Variants in IGSF21 observed in about 807,000 individuals in gnomAD.
IGSF21 encodes immunoglobulin superfamily member 21.
IGSF21 carries 28 observed loss-of-function variants against 46.8 expected under a neutral mutation model. The ratio of observed to expected loss-of-function variants is 0.60; its 90% CI spans 0.44 to 0.82. The LOEUF (loss-of-function observed/expected upper bound fraction) is 0.82. Among genes scored for constraint, IGSF21 ranks in the 40% least tolerant of loss-of-function variants. IGSF21 has a pLI of 0.00. For missense variants in IGSF21, 624 were observed against 665.5 expected (o/e 0.94, Z 0.69); for synonymous variants, 284 against 273.6 (o/e 1.04, Z -0.38).
intron 1 of IGSF21, among the ~76,000 whole-genome samples, chr1:18,194,320 G>C (rs2086986112): frequency 6.6e-6 from 1 of 152,156 alleles, no homozygotes; most frequent in Non-Finnish European, 1.5e-5. Flanking sequence ...ATCCCCCTTT[G>C]ACCCTTATTA....
intron 1 of IGSF21, among the ~76,000 whole-genome samples, chr1:18,190,927 T>C (rs1570319328): frequency 6.6e-6 from 1 of 151,904 alleles, no homozygotes; most frequent in Non-Finnish European, 1.5e-5. Context: ...CTCGGGTGGG[T>C]GGAGGAGCTG....
intron 2 of IGSF21, among the ~76,000 whole-genome samples, chr1:18,282,935 T>G (rs180857773): frequency 6.3e-4 from 96 of 152,322 alleles, no homozygotes; most frequent in Middle Eastern, 3.4e-3. Flanking sequence ...AACACACCTA[T>G]TTGTACAGTC....
intron 1 of IGSF21, among the ~76,000 whole-genome samples, chr1:18,192,907 T>A (rs1256388438): frequency 6.6e-6 from 1 of 151,970 alleles, no homozygotes; most frequent in East Asian, 1.9e-4. Flanking sequence ...ACATATTAAT[T>A]GAATATCTAC....
chr1:18,146,203 G>A (rs1464261092), intron 1 of IGSF21, among the ~76,000 whole-genome samples: 3 of 152,158 alleles, frequency 2.0e-5, no homozygotes, highest in South Asian at 2.1e-4. Flanking sequence ...ATTAGTTTCC[G>A]AATTTCTTGC....
intron 3 of IGSF21, among the ~76,000 whole-genome samples, chr1:18,305,040 G>C (rs549819180): frequency 7.2e-4 from 109 of 152,312 alleles, no homozygotes; most frequent in African/African-American, 2.4e-3. Flanking sequence ...CAGGGAGTGA[G>C]GGTTAGGTGG....
intron 1 of IGSF21, among the ~76,000 whole-genome samples, chr1:18,178,208 GC>G (rs2086822293): frequency 6.6e-6 from 1 of 152,150 alleles, no homozygotes; most frequent in Non-Finnish European, 1.5e-5. Context: ...CCGCAGGCCA[GC>G]CCCAAAATGC....
chr1:18,208,397 T>TGTA (rs368652183), intron 1 of IGSF21, among the ~76,000 whole-genome samples: 2 of 92,586 alleles, frequency 2.2e-5, no homozygotes, highest in African/African-American at 7.5e-5. Context: ...ATATATATAT[T>TGTA]TTTTGAGACG....
At chr1:18,190,756 T>C (rs368784907) in intron 1 of IGSF21, among the ~76,000 whole-genome samples, 8 of 152,176 alleles carry the variant, frequency 5.3e-5, no homozygotes, top group African/African-American at 1.9e-4. Flanking sequence ...CCAGCTGTTA[T>C]CGGGGATTTG....
chr1:18,209,344 T>C (rs1410958888), intron 1 of IGSF21, among the ~76,000 whole-genome samples: 1 of 152,236 alleles, frequency 6.6e-6, no homozygotes, highest in Non-Finnish European at 1.5e-5. Flanking sequence ...ACAAGATTCC[T>C]GGCTGCTTTC....
intron 3 of IGSF21, among the ~76,000 whole-genome samples, chr1:18,297,695 C>T (rs1170192005): frequency 1.3e-5 from 2 of 152,194 alleles, no homozygotes; most frequent in East Asian, 3.8e-4. Context: ...CACCCACGCA[C>T]ATCCACCTGG....
intron 2 of IGSF21, among the ~76,000 whole-genome samples, chr1:18,253,917 GA>G (rs1274551714): frequency 2.0e-5 from 3 of 152,228 alleles, no homozygotes; most frequent in Non-Finnish European, 4.4e-5. Flanking sequence ...AAAGTGGAAA[GA>G]AAGTGGGGGC....
intron 3 of IGSF21, among the ~76,000 whole-genome samples, chr1:18,301,320 TTTTGTTTGTTTG>T (rs71575879): frequency 6.4e-4 from 96 of 150,716 alleles, no homozygotes; most frequent in Middle Eastern, 3.4e-3. Context: ...ATGGTAATTG[TTTTGTTTGTTTG>T]TTTGTTTGTT....
intron 1 of IGSF21, chr1:18,114,994 G>A (rs78300728): frequency 0.09 from 13,664 of 152,480 alleles, 873 homozygotes; most frequent in Non-Finnish European, 0.14. Context: ...CTCCACTGCT[G>A]TCCAGGTGGG....
At chr1:18,272,774 G>T (rs187271964) in intron 2 of IGSF21, among the ~76,000 whole-genome samples, 192 of 152,312 alleles carry the variant, frequency 1.3e-3, no homozygotes, top group Non-Finnish European at 2.0e-3. Flanking sequence ...CTGGACAAAA[G>T]AGGCATTTTA....
At chr1:18,237,520 G>A (rs776622678) in intron 2 of IGSF21, among the ~76,000 whole-genome samples, 13 of 152,146 alleles carry the variant, frequency 8.5e-5, no homozygotes, top group Admixed American at 2.6e-4. Flanking sequence ...CCCCCGTGGC[G>A]CAGGGGAAAT....
intron 1 of IGSF21, among the ~76,000 whole-genome samples, chr1:18,190,587 T>A (rs2086945924): frequency 3.3e-5 from 5 of 152,142 alleles, no homozygotes. Flanking sequence ...GTCTTATGGG[T>A]CATTGTAAAC....
intron 3 of IGSF21, among the ~76,000 whole-genome samples, chr1:18,304,113 G>C (rs1483948558): frequency 6.6e-6 from 1 of 152,166 alleles, no homozygotes. Context: ...GGGCTGGAAG[G>C]GGGACACCAG....
intron 1 of IGSF21, among the ~76,000 whole-genome samples, chr1:18,168,923 G>A (rs1275476522): frequency 6.6e-6 from 1 of 152,306 alleles, no homozygotes; most frequent in East Asian, 1.9e-4. Context: ...GCTGGTGCAG[G>A]TGGACAGCCC....
intron 4 of IGSF21, among the ~76,000 whole-genome samples, chr1:18,361,106 C>T (rs2086095665): frequency 6.6e-6 from 1 of 152,184 alleles, no homozygotes; most frequent in South Asian, 2.1e-4. Context: ...GGAAAGACTC[C>T]TGGCCACAAA....
Sources: allele counts gnomAD v4.1 joint callset (sites outside exome capture counted in the v4.1 genomes callset), GRCh38; gene constraint gnomAD v4.1.1; transcripts MANE v1.5; gene names NCBI Gene and HGNC (gene_info 2026-07-23, HGNC 2026-07-21).